CRISP1: variants seen among roughly 807,000 people sequenced by gnomAD.
The protein encoded by CRISP1 is cysteine-rich secretory protein 1.
Under a neutral mutation model 33.1 loss-of-function variants are expected in CRISP1, and 44 were observed. The ratio of observed to expected loss-of-function variants is 1.33; its 90% confidence interval spans 1.05 to 1.71. CRISP1 has a LOEUF of 1.71. Ranked by LOEUF, CRISP1 falls within the 40% of genes most tolerant of loss-of-function variation. The pLI is 0.00. For missense variants in CRISP1, 390 were observed against 301.2 expected, an observed-to-expected ratio of 1.29 and a Z score of -2.18; for synonymous variants, 103 against 98.7, an observed-to-expected ratio of 1.04 and a Z score of -0.26.
intron 2 of CRISP1, among the ~76,000 whole-genome samples, chr6:49,855,047 C>T (rs1307459743): frequency 6.6e-6 from 1 of 152,104 alleles, no homozygotes; most frequent in East Asian, 1.9e-4. Flanking sequence ...GGTTTATTGG[C>T]AGCTGACTCT....
chr6:49,847,001 G>A (rs897924595), intron 4 of CRISP1, among the ~76,000 whole-genome samples: 4 of 152,112 alleles, frequency 2.6e-5, no homozygotes, highest in African/African-American at 9.7e-5. Context: ...ATGGCTTAAA[G>A]GAAGCTACAC....
At chr6:49,877,023 T>C (rs989118447) in exon 1 of CRISP1, 3 of 151,832 alleles carry the variant, frequency 2.0e-5, no homozygotes, top group African/African-American at 7.3e-5. Context: ...ACATGTACCA[T>C]TGAAGTTAAA....
At chr6:49,839,652 T>C (rs563365445) in intron 6 of CRISP1, among the ~76,000 whole-genome samples, 1 of 152,330 alleles carries the variant, frequency 6.6e-6, no homozygotes, top group South Asian at 2.1e-4. Context: ...GTAAGAGATT[T>C]AATGAGAGAC....
In CRISP1 at chr6:49,863,686, G is replaced by T. The variant is rs1043648412; in HGVS notation, c.-3+2743C>A. Among the ~76,000 whole-genome samples the T allele has an allele frequency of 5.3e-5, 8 of 152,180 alleles. No homozygotes were observed. The South Asian group carries it at 1.2e-3, about 24-fold the overall frequency. On this transcript the variant is annotated intron_variant, in intron 1 of 7. Transcript: ENST00000335847. ...ATCAAAGATGAGGGAAAAGACTGAGGACAACTGGGTACTGCCCTATGGCAT... is the reference window on the plus strand; with the variant it reads ...ATCAAAGATGAGGGAAAAGACTGAGTACAACTGGGTACTGCCCTATGGCAT...
chr6:49,872,632 T>C (rs1771951158), intron 1 of CRISP1, among the ~76,000 whole-genome samples: 1 of 152,146 alleles, frequency 6.6e-6, no homozygotes, highest in Admixed American at 6.6e-5. Flanking sequence ...TAGCCAGTTT[T>C]CCCAGCACCA....
chr6:49,867,117 G>A (rs1278372379), upstream of CRISP1, among the ~76,000 whole-genome samples: 2 of 152,072 alleles, frequency 1.3e-5, no homozygotes, highest in East Asian at 3.8e-4. Context: ...TACCTTGAGA[G>A]GTCTAGAAAT....
At chr6:49,835,969 T>A (rs1770776585) in intron 7 of CRISP1, among the ~76,000 whole-genome samples, 1 of 152,188 alleles carries the variant, frequency 6.6e-6, no homozygotes, top group African/African-American at 2.4e-5. Flanking sequence ...ATCCCATGGA[T>A]GTGCACGCAC....
intron 1 of CRISP1, among the ~76,000 whole-genome samples, chr6:49,860,687 A>G (rs148945635): frequency 4.7e-4 from 72 of 152,294 alleles, no homozygotes; most frequent in African/African-American, 1.6e-3. Context: ...TAAATAAACA[A>G]TCTAATAATG....
intron 2 of CRISP1, among the ~76,000 whole-genome samples, chr6:49,854,324 C>T (rs1034687966): frequency 1.3e-5 from 2 of 152,196 alleles, no homozygotes; most frequent in Non-Finnish European, 2.9e-5. Flanking sequence ...GTCAGCCACT[C>T]TTTCTTTTTG....
intron 3 of CRISP1, among the ~76,000 whole-genome samples, chr6:49,851,650 C>T (rs1445187781): frequency 1.3e-5 from 2 of 152,126 alleles, no homozygotes; most frequent in Non-Finnish European, 2.9e-5. Flanking sequence ...CAGCTGGGAG[C>T]TTGTGGTGGT....
At chr6:49,842,767 A>C (rs1771036504) in intron 5 of CRISP1, among the ~76,000 whole-genome samples, 1 of 152,136 alleles carries the variant, frequency 6.6e-6, no homozygotes, top group Admixed American at 6.6e-5. Flanking sequence ...CATATGAAAG[A>C]TTAAGAGCTG....
At chr6:49,870,540 T>C (rs980860647), upstream of CRISP1, among the ~76,000 whole-genome samples, 7 of 152,134 alleles carry the variant, frequency 4.6e-5, no homozygotes, top group African/African-American at 1.7e-4. Context: ...GGTTGGGAAG[T>C]AAGTAAATAC....
upstream of CRISP1, among the ~76,000 whole-genome samples, chr6:49,870,478 A>G (rs991783717): frequency 6.6e-6 from 1 of 152,170 alleles, no homozygotes; most frequent in African/African-American, 2.4e-5. Flanking sequence ...CTGCCTTGCA[A>G]GAAGCTGTGG....
At chr6:49,873,228 G>C (rs1331400821) in intron 1 of CRISP1, among the ~76,000 whole-genome samples, 1 of 151,796 alleles carries the variant, frequency 6.6e-6, no homozygotes, top group East Asian at 1.9e-4. Context: ...AAACCTAATT[G>C]TTCAAGGATA....
upstream of CRISP1, among the ~76,000 whole-genome samples, chr6:49,866,812 G>A (rs867673556): frequency 2.5e-4 from 38 of 152,190 alleles, no homozygotes; most frequent in African/African-American, 9.1e-4. Context: ...TGACTTGCTG[G>A]TCCAGAAACT....
intron 4 of CRISP1, among the ~76,000 whole-genome samples, chr6:49,847,533 A>G (rs765719593): frequency 6.6e-6 from 1 of 152,000 alleles, no homozygotes; most frequent in Non-Finnish European, 1.5e-5. Flanking sequence ...CCATGATTGT[A>G]AGCTTCCTAA....
intron 1 of CRISP1, among the ~76,000 whole-genome samples, chr6:49,873,916 C>A (rs934122713): frequency 1.3e-5 from 2 of 152,026 alleles, no homozygotes; most frequent in Non-Finnish European, 2.9e-5. Flanking sequence ...AACTGATAGA[C>A]ACAAGTAGAT....
At chr6:49,872,956 AT>A (rs1771960026) in intron 1 of CRISP1, among the ~76,000 whole-genome samples, 1 of 152,036 alleles carries the variant, frequency 6.6e-6, no homozygotes, top group Non-Finnish European at 1.5e-5. Context: ...TGGTAGCTTG[AT>A]GGGGATGGCA....
chr6:49,845,830 C>G (rs1771147738), intron 5 of CRISP1, among the ~76,000 whole-genome samples: 1 of 151,752 alleles, frequency 6.6e-6, no homozygotes. Context: ...CATGCTACAA[C>G]ATGGATGAAC....
Sources: allele counts gnomAD v4.1 joint callset (sites outside exome capture counted in the v4.1 genomes callset), GRCh38; gene constraint gnomAD v4.1.1; transcripts MANE v1.5; gene names NCBI Gene and HGNC (gene_info 2026-07-23, HGNC 2026-07-21).